The following PCDHGA8 variants were observed in gnomAD, a reference collection of about 807,000 sequenced individuals.
The protein encoded by PCDHGA8 is protocadherin gamma subfamily A, 8.
Under a neutral mutation model 59.2 loss-of-function variants are expected in PCDHGA8, and 45 were observed. The ratio of observed to expected loss-of-function variants is 0.76; its 90% CI spans 0.60 to 0.98. The LOEUF (loss-of-function observed/expected upper bound fraction) is 0.98. Ranked by LOEUF, PCDHGA8 falls within the 50% of genes least tolerant of loss-of-function variation. PCDHGA8 has a pLI of 0.00. For synonymous variants in PCDHGA8, 531 were observed against 519.0 expected, an observed-to-expected ratio of 1.02 and a Z score of -0.32; for missense variants, 1,257 against 1,196.2, an observed-to-expected ratio of 1.05 and a Z score of -0.75.
intron 1 of PCDHGA8, chr5:141,403,336 C>T (rs2094393288): frequency 1.9e-6 from 3 of 1,614,032 alleles, no homozygotes; most frequent in Non-Finnish European, 2.5e-6. Flanking sequence ...ATATTAACGA[C>T]AGCGCCCCAA....
chr5:141,413,371 C>T lies in PCDHGA8; in HGVS notation c.2424+18134C>T, dbSNP rs752898022. 3.7e-6 allele frequency: 6 copies of T among 1,613,966 alleles called. No individual in the cohort carries two copies. In the Admixed American group the frequency reaches 8.3e-5, roughly 22 times the overall value. On this transcript the variant is annotated intron_variant, in intron 1 of 3. Coordinates refer to ENST00000398604, the MANE Select transcript of PCDHGA8 (RefSeq NM_032088.2). ...TCTGGCGCCCCGGGAGCTGGCGGAG[C>T]GCGGAGTCCGCATAGTCTCCAGAGG...
intron 1 of PCDHGA8, among the ~76,000 whole-genome samples, chr5:141,468,738 T>C (rs965510711): frequency 3.0e-4 from 46 of 151,958 alleles, no homozygotes; most frequent in South Asian, 2.1e-3. Flanking sequence ...TGGTGGCGGG[T>C]GCCTGTAGTC....
intron 1 of PCDHGA8, chr5:141,402,997 G>C: frequency 3.7e-6 from 6 of 1,613,928 alleles, no homozygotes; most frequent in Non-Finnish European, 5.1e-6. Context: ...GATTAGTCCT[G>C]CTATGCTCGC....
At chr5:141,414,629 G>T in intron 1 of PCDHGA8, 1 of 1,614,000 alleles carries the variant, frequency 6.2e-7, no homozygotes. Context: ...GACCCGGACA[G>T]CAAAGAGAAT....
chr5:141,458,594 G>A (rs1226490392), intron 1 of PCDHGA8, among the ~76,000 whole-genome samples: 2 of 151,612 alleles, frequency 1.3e-5, no homozygotes, highest in South Asian at 2.1e-4. Flanking sequence ...TTTTGGAGAC[G>A]AGTCTCACTC....
chr5:141,474,608 T>G (rs1469173973), intron 1 of PCDHGA8, among the ~76,000 whole-genome samples: 1 of 152,268 alleles, frequency 6.6e-6, no homozygotes, highest in Non-Finnish European at 1.5e-5. Flanking sequence ...AGGTCACATA[T>G]GGCTTTTCAT....
At chr5:141,418,057 G>A (rs2096216088) in intron 1 of PCDHGA8, 2 of 1,614,050 alleles carry the variant, frequency 1.2e-6, no homozygotes, top group East Asian at 4.5e-5. Context: ...CTCGCGAGCT[G>A]CGAGTGAGCG....
intron 1 of PCDHGA8, chr5:141,418,640 A>G (rs1042874136): frequency 1.2e-6 from 2 of 1,614,042 alleles, no homozygotes; most frequent in Non-Finnish European, 1.7e-6. Flanking sequence ...AGGCACCTCC[A>G]TCCTGAGAGT....
Position 141,394,471 on chromosome 5 carries a change from T to C in PCDHGA8, c.1658T>C (p.Leu553Pro), listed in dbSNP as rs2093007845. The change falls in exon 1 of 4, where the codon CTG (leucine) becomes CCG (proline). Residue 553 changes from leucine to proline, a missense_variant. Physicochemically the swap from Leu to Pro is moderately conservative, Grantham distance 98 (BLOSUM62 -3). Coordinates refer to ENST00000398604, the MANE Select transcript of PCDHGA8 (RefSeq NM_032088.2). Reference protein sequence around the residue: ...SSNMSLSLFVLDQNDNAPEIL... With the variant: ...SSNMSLSLFVPDQNDNAPEIL... The stretch of plus-strand genomic sequence containing the variant: ...AACATGTCACTGAGCCTGTTCGTGC[T>C]GGACCAGAATGACAACGCGCCCGAG... 1.9e-6 allele frequency: 3 copies of C among 1,614,250 alleles called. No individual in the cohort carries two copies. Among genetic ancestry groups the C allele is most frequent in the Non-Finnish European group, 2.5e-6 (3 of 1,180,046 alleles).
Position 141,476,512 on chromosome 5 carries a change from T to C in PCDHGA8, c.2425-18295T>C, listed in dbSNP as rs1171240377. ...TGATCCAGGACATCAACGACAACAA[T>C]CCTGCTTTCCCTACCCAGGAAATGA... On this transcript the variant is annotated intron_variant, in intron 1 of 3. Transcript: ENST00000398604. This position sits in a 1 kb window ranked among gnomAD's most constrained non-coding sequence, Gnocchi z 7.6. The C allele has an allele frequency of 6.2e-7, 1 of 1,613,642 alleles. No homozygotes were observed. Among genetic ancestry groups the C allele is most frequent in the Non-Finnish European group, 8.5e-7 (1 of 1,179,940 alleles).
chr5:141,417,226 T>A (rs966071761), intron 1 of PCDHGA8: 4 of 152,134 alleles, frequency 2.6e-5, no homozygotes, highest in Admixed American at 1.3e-4. Flanking sequence ...GACAAAAAAA[T>A]TTGTTGCTTA....
intron 1 of PCDHGA8, chr5:141,404,379 C>T (rs548569433): frequency 6.2e-7 from 1 of 1,613,940 alleles, no homozygotes; most frequent in African/African-American, 1.3e-5. Flanking sequence ...TCCGTGATTG[C>T]CTATGACCCT....
intron 1 of PCDHGA8, among the ~76,000 whole-genome samples, chr5:141,402,471 A>G (rs1241536886): frequency 6.6e-6 from 1 of 152,238 alleles, no homozygotes; most frequent in Non-Finnish European, 1.5e-5. Context: ...CTAGAAATAG[A>G]GTGCAAAGTT....
At chr5:141,454,249 C>T (rs1215688507) in intron 1 of PCDHGA8, among the ~76,000 whole-genome samples, 3 of 152,192 alleles carry the variant, frequency 2.0e-5, no homozygotes, top group Non-Finnish European at 4.4e-5. Context: ...ATGAAGATGT[C>T]CCAGAGAAAG....
At chr5:141,447,082 T>C (rs1259827606) in intron 1 of PCDHGA8, among the ~76,000 whole-genome samples, 3 of 152,156 alleles carry the variant, frequency 2.0e-5, no homozygotes, top group Non-Finnish European at 2.9e-5. Context: ...ATTTTTGTTG[T>C]TTAATTTTCT....
chr5:141,404,200 A>C, intron 1 of PCDHGA8: 1 of 1,613,696 alleles, frequency 6.2e-7, no homozygotes, highest in Non-Finnish European at 8.5e-7. Context: ...AAAAAGCCTC[A>C]GAATATAATA....
At chr5:141,448,220 G>A (rs750470070) in intron 1 of PCDHGA8, among the ~76,000 whole-genome samples, 9 of 152,148 alleles carry the variant, frequency 5.9e-5, no homozygotes, top group Non-Finnish European at 1.0e-4. Flanking sequence ...GTATGCGAAT[G>A]TATGTGTGGG....
rs71576115 is a variant in PCDHGA8 at position 141,463,438 on chromosome 5, C to CTTTT, written c.2425-31344_2425-31341dup. Among the ~76,000 whole-genome samples, 106 of 103,254 alleles carry CTTTT rather than the reference C, an allele frequency of 1.0e-3. 8 individuals are homozygous for CTTTT. Among genetic ancestry groups the CTTTT allele is most frequent in the African/African-American group, 3.9e-3 (88 of 22,404 alleles). The allele number at this position is 103,254 out of a possible 152,430, so 67.7% of individuals were successfully genotyped here. ...GTTTGCGGATCCTCATTTCCTTCTC[C>CTTTT]TTTTTTTTTTTTTTTTTTTTTTTTT... is the stretch of plus-strand genomic sequence containing the variant. On this transcript the variant is annotated intron_variant, in intron 1 of 3. Transcript: ENST00000398604.
At chr5:141,448,223 T>C (rs1377619033) in intron 1 of PCDHGA8, among the ~76,000 whole-genome samples, 1 of 152,204 alleles carries the variant, frequency 6.6e-6, no homozygotes, top group Non-Finnish European at 1.5e-5. Context: ...TGCGAATGTA[T>C]GTGTGGGGTT....
Sources: gnomAD v4.1 joint callset for allele counts (sites outside exome capture counted in the v4.1 genomes callset) on GRCh38, gnomAD v4.1.1 for gene constraint, Gnocchi (gnomAD v3.1) non-coding constraint, MANE v1.5 for transcripts, NCBI Gene and HGNC (gene_info 2026-07-23, HGNC 2026-07-21) for gene names.